Variants in MAPK10 observed in about 807,000 individuals in gnomAD.
The protein encoded by MAPK10 is JNK3 alpha protein kinase.
Under a neutral mutation model 59.3 loss-of-function variants are expected in MAPK10, and 25 were observed. The ratio of observed to expected loss-of-function variants is 0.42; its 90% confidence interval spans 0.31 to 0.59. The LOEUF (loss-of-function observed/expected upper bound fraction) is 0.59. Among genes scored for constraint, MAPK10 ranks in the 20% least tolerant of loss-of-function variants. The probability of loss-of-function intolerance (pLI) is 0.15; values close to 1 mark genes in which losing one functional copy is unlikely to be tolerated. For missense variants in MAPK10, 351 were observed against 568.9 expected, an observed-to-expected ratio of 0.62 and a Z score of 3.90; for synonymous variants, 190 against 200.5, an observed-to-expected ratio of 0.95 and a Z score of 0.44.
chr4:86,453,730 A>G (rs192557257), upstream of MAPK10, among the ~76,000 whole-genome samples: 3 of 151,940 alleles, frequency 2.0e-5, no homozygotes, highest in East Asian at 5.8e-4. Context: ...CCAAGGCCCT[A>G]CCCACTGCCT....
At chr4:86,125,384 A>G (rs1433969642) in intron 4 of MAPK10, 1 of 152,066 alleles carries the variant, frequency 6.6e-6, no homozygotes, top group African/African-American at 2.4e-5. Flanking sequence ...AATATTAACT[A>G]TTTTTATTTT....
chr4:86,580,731 T>A (rs1026229577), intron 1 of MAPK10, among the ~76,000 whole-genome samples: 1 of 152,186 alleles, frequency 6.6e-6, no homozygotes, highest in African/African-American at 2.4e-5. Flanking sequence ...GGGCTTGAGA[T>A]TGTATAAATA....
At chr4:86,423,024 T>C (rs1201631614) in intron 1 of MAPK10, among the ~76,000 whole-genome samples, 1 of 152,222 alleles carries the variant, frequency 6.6e-6, no homozygotes, top group Admixed American at 6.5e-5. Flanking sequence ...ACATTAATTC[T>C]CTCCTTTCCT....
At chr4:86,137,247 C>T (rs2062424023) in intron 4 of MAPK10, among the ~76,000 whole-genome samples, 2 of 151,932 alleles carry the variant, frequency 1.3e-5, no homozygotes, top group Admixed American at 6.5e-5. Context: ...TTCAGCACCA[C>T]ACCACACCTA....
chr4:86,159,347 G>A lies in MAPK10; in HGVS notation c.187C>T (p.Arg63Cys), dbSNP rs773390425. ...VGDSTFTVLK[R>C]YQNLKPIGSG... Reference sequence around the variant, plus strand: ...CCAATAGGCTTTAGATTCTGGTAGCGCTTGAGAACTGTGAAGGTTGAGTCT... The same window carrying A: ...CCAATAGGCTTTAGATTCTGGTAGCACTTGAGAACTGTGAAGGTTGAGTCT... The change falls in exon 4 of 14, where the codon CGC becomes TGC. Residue 63 changes from arginine to cysteine, a missense_variant. Physicochemically the swap from Arg to Cys is radical, Grantham distance 180. This residue lies in a region of MAPK10 where 8 missense variants were observed against 35.8 expected (regional missense o/e 0.22). Coordinates refer to ENST00000641462, the MANE Select transcript of MAPK10 (RefSeq NM_138982.4). The A allele has an allele frequency of 1.7e-5, 28 of 1,612,314 alleles. No homozygotes were observed. The highest frequency in any genetic ancestry group is 1.3e-4 in the Admixed American group (8 of 59,854).
At chr4:86,437,044 C>T (rs573399783) in intron 1 of MAPK10, among the ~76,000 whole-genome samples, 2 of 152,032 alleles carry the variant, frequency 1.3e-5, no homozygotes, top group Admixed American at 1.3e-4. Context: ...AACCACATCT[C>T]TACTAAAAAT....
chr4:86,460,726 A>G (rs1020548535), intron 1 of MAPK10, among the ~76,000 whole-genome samples: 1 of 152,230 alleles, frequency 6.6e-6, no homozygotes, highest in African/African-American at 2.4e-5. Context: ...AAACAATAGC[A>G]TGAGTGATGG....
intron 1 of MAPK10, among the ~76,000 whole-genome samples, chr4:86,425,721 C>A (rs1280425815): frequency 6.6e-6 from 1 of 152,100 alleles, no homozygotes; most frequent in Non-Finnish European, 1.5e-5. Flanking sequence ...GCCTGTAATC[C>A]CAACACTTTG....
intron 1 of MAPK10, among the ~76,000 whole-genome samples, chr4:86,582,449 A>G (rs558745503): frequency 4.1e-4 from 63 of 152,362 alleles, no homozygotes; most frequent in African/African-American, 1.3e-3. Context: ...ATATAAACTT[A>G]GAACCTTGAT....
At chr4:86,480,496 G>A (rs1011832131) in intron 1 of MAPK10, among the ~76,000 whole-genome samples, 1 of 152,104 alleles carries the variant, frequency 6.6e-6, no homozygotes, top group Non-Finnish European at 1.5e-5. Flanking sequence ...CCTGTTTGGT[G>A]GTCTCTTCAC....
At chr4:86,558,412 C>A (rs1760428806) in intron 1 of MAPK10, among the ~76,000 whole-genome samples, 1 of 152,112 alleles carries the variant, frequency 6.6e-6, no homozygotes, top group South Asian at 2.1e-4. Context: ...TCTCACCACA[C>A]CCCTCTGAGG....
chr4:86,552,258 A>C (rs1759851412), intron 1 of MAPK10, among the ~76,000 whole-genome samples: 2 of 151,714 alleles, frequency 1.3e-5, no homozygotes, highest in Admixed American at 6.6e-5. Context: ...CGTCTTTACA[A>C]AAAATAAACA....
intron 13 of MAPK10, chr4:86,027,159 A>G (rs767969658): frequency 6.6e-6 from 1 of 152,220 alleles, no homozygotes; most frequent in Non-Finnish European, 1.5e-5. Flanking sequence ...AGAGAAAGTC[A>G]TACTACATGA....
intron 1 of MAPK10, among the ~76,000 whole-genome samples, chr4:86,579,529 A>ACG (rs1036770616): frequency 1.5e-5 from 2 of 137,754 alleles, no homozygotes; most frequent in African/African-American, 5.5e-5. Context: ...ACACACACAC[A>ACG]CACACACACA....
chr4:86,376,832 C>T (rs1273179812), intron 1 of MAPK10, among the ~76,000 whole-genome samples: 1 of 152,154 alleles, frequency 6.6e-6, no homozygotes. Context: ...TCAATTTAAC[C>T]TATTTCTACA....
intron 4 of MAPK10, among the ~76,000 whole-genome samples, chr4:86,108,452 T>C (rs976952176): frequency 3.3e-5 from 5 of 152,132 alleles, no homozygotes; most frequent in African/African-American, 4.8e-5. Flanking sequence ...ACATTGACCA[T>C]TGAAGCCTCA....
chr4:86,243,364 C>T (rs2092872989), intron 2 of MAPK10, among the ~76,000 whole-genome samples: 1 of 152,178 alleles, frequency 6.6e-6, no homozygotes, highest in South Asian at 2.1e-4. Flanking sequence ...CATATGACTA[C>T]CAGAGGAATC....
intron 1 of MAPK10, among the ~76,000 whole-genome samples, chr4:86,485,215 T>C (rs1471445443): frequency 6.6e-6 from 1 of 152,216 alleles, no homozygotes; most frequent in African/African-American, 2.4e-5. Flanking sequence ...AAGATCATCT[T>C]ACTGGAGATG....
intron 4 of MAPK10, among the ~76,000 whole-genome samples, chr4:86,126,894 G>GTATATTTTTGTA (rs1158629312): frequency 2.0e-5 from 3 of 151,728 alleles, no homozygotes; most frequent in African/African-American, 7.3e-5. Flanking sequence ...CATATCCAAG[G>GTATATTTTTGTA]CCTATTTGTA....
Sources: allele counts gnomAD v4.1 joint callset (sites outside exome capture counted in the v4.1 genomes callset), GRCh38; gene constraint gnomAD v4.1.1; regional missense constraint gnomAD v4.1.1; transcripts MANE v1.5; gene names NCBI Gene and HGNC (gene_info 2026-07-23, HGNC 2026-07-21).